Variants in PRKG1 observed in about 807,000 individuals in gnomAD.
PRKG1 encodes protein kinase cGMP-dependent 1.
A neutral mutation model predicts 88.1 loss-of-function variants in PRKG1; 35 were observed. The observed-to-expected ratio is 0.40, with a 90% CI of 0.30 to 0.53. The LOEUF is 0.53. Among genes scored for constraint, PRKG1 ranks in the 20% least tolerant of loss-of-function variants. The pLI is 0.59. For synonymous variants in PRKG1, 303 were observed against 292.5 expected (o/e 1.04, Z -0.37); for missense variants, 540 against 839.8 (o/e 0.64, Z 4.41).
chr10:52,203,799 T>A (rs1367332701), intron 9 of PRKG1, among the ~76,000 whole-genome samples: 1 of 152,238 alleles, frequency 6.6e-6, no homozygotes, highest in Non-Finnish European at 1.5e-5. Flanking sequence ...CATTGTCGGA[T>A]TAAAGTCTGT....
intron 3 of PRKG1, among the ~76,000 whole-genome samples, chr10:51,627,964 TTCTTTC>T (rs1356870168): frequency 0.011 from 305 of 28,930 alleles, 2 homozygotes; most frequent in East Asian, 0.014. Context: ...CTTTCTTTCT[TTCTTTC>T]TCTTTCTTTC....
At chr10:52,288,654 T>A in intron 14 of PRKG1, 72 bp from the exon 15 acceptor site, 1 of 1,440,704 alleles carries the variant, frequency 6.9e-7, no homozygotes, top group Non-Finnish European at 9.3e-7. Flanking sequence ...ATCTGTGGAG[T>A]TTATAGCAAT....
intron 3 of PRKG1, among the ~76,000 whole-genome samples, chr10:51,524,125 C>T (rs753247129): frequency 2.6e-4 from 39 of 152,208 alleles, no homozygotes; most frequent in Non-Finnish European, 4.4e-4. Flanking sequence ...CCTGCTTCTG[C>T]TTTGCATTCC....
At chr10:51,988,264 A>G (rs1439744598) in intron 5 of PRKG1, among the ~76,000 whole-genome samples, 1 of 152,094 alleles carries the variant, frequency 6.6e-6, no homozygotes. Flanking sequence ...TGATTAATAT[A>G]TTTTTGAGAT....
intron 3 of PRKG1, among the ~76,000 whole-genome samples, chr10:51,587,826 A>C: frequency 6.6e-6 from 1 of 152,174 alleles, no homozygotes; most frequent in East Asian, 1.9e-4. Context: ...GGAATAATAA[A>C]TATCTACTTC....
chr10:51,770,380 T>C (rs1450583308), intron 3 of PRKG1, among the ~76,000 whole-genome samples: 1 of 152,232 alleles, frequency 6.6e-6, no homozygotes, highest in African/African-American at 2.4e-5. Context: ...GGAAGGGCCA[T>C]CAGCAGTATG....
At chr10:51,352,230 CT>C (rs1842264996) in intron 2 of PRKG1, among the ~76,000 whole-genome samples, 1 of 151,164 alleles carries the variant, frequency 6.6e-6, no homozygotes, top group Non-Finnish European at 1.5e-5. Flanking sequence ...TATGCAGGCC[CT>C]TTTTTGGTTC....
Position 51,010,511 on chromosome 10 carries a change from C to CAT in PRKG1, c.266+18878_266+18879dup, listed in dbSNP as rs540522442. On this transcript the variant is annotated intron_variant, in intron 1 of 17. Coordinates refer to the PRKG1 transcript ENST00000401604. Reference sequence around the variant, plus strand: ...GCACACATAATTGTGTGTATCTATGCATATATATATATGTGGTATCCTAAC... The same window carrying CAT: ...GCACACATAATTGTGTGTATCTATGCATATATATATATATGTGGTATCCTAAC... Among the ~76,000 whole-genome samples, 79 of 151,888 alleles carry CAT rather than the reference C, an allele frequency of 5.2e-4. No individual in the cohort carries two copies. In the East Asian group the frequency reaches 7.0e-3, roughly 13 times the overall value.
At chr10:51,719,602 C>A (rs1171598884) in intron 3 of PRKG1, among the ~76,000 whole-genome samples, 2 of 152,072 alleles carry the variant, frequency 1.3e-5, no homozygotes, top group African/African-American at 4.8e-5. Flanking sequence ...TGGATTAAAT[C>A]CTCAAACAGA....
intron 2 of PRKG1, among the ~76,000 whole-genome samples, chr10:51,300,472 G>T (rs945686933): frequency 6.6e-6 from 1 of 152,114 alleles, no homozygotes; most frequent in Non-Finnish European, 1.5e-5. Flanking sequence ...GAAGCTCTTT[G>T]CTGGGATGCT....
intron 2 of PRKG1, among the ~76,000 whole-genome samples, chr10:51,185,452 G>A (rs1837460949): frequency 6.6e-6 from 1 of 151,820 alleles, no homozygotes; most frequent in African/African-American, 2.4e-5. Context: ...ACTTAATTTT[G>A]ATGTTTTCTC....
chr10:51,737,734 TTTATTAATTATTATTA>T lies in PRKG1; in HGVS notation c.593-66844_593-66829del, dbSNP rs1431443339. Among the ~76,000 whole-genome samples the T allele has an allele frequency of 2.0e-3, 287 of 140,286 alleles. 4 individuals carry two copies. Among genetic ancestry groups the T allele is most frequent in the African/African-American group, 7.5e-3 (280 of 37,574 alleles). 92.0% of individuals were successfully genotyped at this position (140,286 alleles called of 152,430 possible). A position where few individuals can be genotyped will look rare whatever the true frequency, so the allele number is the denominator to read the frequency against. On this transcript the variant is annotated intron_variant, in intron 3 of 17. Coordinates refer to ENST00000373980, the MANE Select transcript of PRKG1 (RefSeq NM_006258.4). ...ATTTATTTATTTATTTATTTATTTATTTATTAATTATTATTATTATTATTATTATTATTATTATTAT... is the reference window on the plus strand; with the variant it reads ...ATTTATTTATTTATTTATTTATTTATTTATTATTATTATTATTATTATTAT...
At chr10:51,084,798 C>T (rs960542577) in intron 1 of PRKG1, among the ~76,000 whole-genome samples, 2 of 152,138 alleles carry the variant, frequency 1.3e-5, no homozygotes, top group Admixed American at 1.3e-4. Flanking sequence ...ATCATCCAGT[C>T]AGTTTAATTT....
At chr10:51,477,253 C>A (rs745950742) in intron 3 of PRKG1, among the ~76,000 whole-genome samples, 1 of 150,540 alleles carries the variant, frequency 6.6e-6, no homozygotes, top group Non-Finnish European at 1.5e-5. Context: ...CATAGCCCTA[C>A]AATTAAGATA....
chr10:51,524,513 G>C (rs1029108044), intron 3 of PRKG1, among the ~76,000 whole-genome samples: 1 of 152,144 alleles, frequency 6.6e-6, no homozygotes, highest in Admixed American at 6.5e-5. Flanking sequence ...CATAATTTTT[G>C]TGTGTCACAG....
At chr10:51,641,786 C>T (rs187793122) in intron 3 of PRKG1, among the ~76,000 whole-genome samples, 3 of 152,130 alleles carry the variant, frequency 2.0e-5, no homozygotes, top group South Asian at 4.2e-4. Context: ...TTATATTTTT[C>T]CCCTCAACTT....
At chr10:51,843,965 C>T (rs1000532432) in intron 4 of PRKG1, among the ~76,000 whole-genome samples, 3 of 152,034 alleles carry the variant, frequency 2.0e-5, no homozygotes, top group Non-Finnish European at 2.9e-5. Flanking sequence ...ATGATGTCTT[C>T]ATGTTCAATT....
chr10:51,372,893 T>C (rs930755756), intron 2 of PRKG1, among the ~76,000 whole-genome samples: 45 of 152,196 alleles, frequency 3.0e-4, no homozygotes, highest in African/African-American at 1.1e-3. Flanking sequence ...TTGTTCATAA[T>C]GTATTATATT....
intron 2 of PRKG1, among the ~76,000 whole-genome samples, chr10:51,181,213 T>C (rs1378273183): frequency 6.7e-6 from 1 of 149,016 alleles, no homozygotes; most frequent in Non-Finnish European, 1.5e-5. Flanking sequence ...TGACCAAGAT[T>C]ATTATATAGA....
Sources: allele counts gnomAD v4.1 joint callset (sites outside exome capture counted in the v4.1 genomes callset), GRCh38; gene constraint gnomAD v4.1.1; transcripts MANE v1.5; gene names NCBI Gene and HGNC (gene_info 2026-07-23, HGNC 2026-07-21).